PCDHA8: variants seen among roughly 807,000 people sequenced by gnomAD.
PCDHA8 encodes protocadherin alpha 8.
In PCDHA8, 53 loss-of-function variants were observed where a neutral mutation model predicts 61.8. That is an observed-to-expected ratio of 0.86 (90% CI 0.69 to 1.08). The LOEUF is 1.08. PCDHA8 is among the 50% of genes least tolerant of loss of function. The pLI is 0.00. For missense variants in PCDHA8, 1,293 were observed against 1,245.0 expected (o/e 1.04, Z -0.58); for synonymous variants, 618 against 556.6 (o/e 1.11, Z -1.55).
At chr5:140,971,586 C>G (rs1290834481) in intron 1 of PCDHA8, among the ~76,000 whole-genome samples, 1 of 152,022 alleles carries the variant, frequency 6.6e-6, no homozygotes, top group Non-Finnish European at 1.5e-5. Context: ...TTTTTCCTAC[C>G]TAGTTACTAC....
At chr5:140,867,932 T>C (rs2050205695) in intron 1 of PCDHA8, 1 of 152,146 alleles carries the variant, frequency 6.6e-6, no homozygotes, top group Non-Finnish European at 1.5e-5. Context: ...TTCCCTTGTT[T>C]TCCATGAACT....
chr5:140,926,936 G>A, intron 1 of PCDHA8: 1 of 1,580,648 alleles, frequency 6.3e-7, no homozygotes, highest in Non-Finnish European at 8.6e-7. Context: ...TGGGTTTCCT[G>A]CGGCGCTGCA....
chr5:140,952,767 A>T (rs912245909), intron 1 of PCDHA8, among the ~76,000 whole-genome samples: 13 of 152,298 alleles, frequency 8.5e-5, no homozygotes, highest in African/African-American at 2.9e-4. Flanking sequence ...GAGACTGGAT[A>T]ATTTAGAAAG....
At position 140,889,293 on chromosome 5, in the gene PCDHA8, T is replaced by C. The variant is rs1051889855; in HGVS notation, c.2394+45578T>C. 3.3e-5 allele frequency among the ~76,000 whole-genome samples: 5 copies of C among 152,196 alleles called. No individual in the cohort carries two copies. The South Asian group carries it at 6.2e-4, about 19-fold the overall frequency. The stretch of plus-strand genomic sequence containing the variant: ...ATCTTTGAATTACTTCTTATTTGAT[T>C]GGAGAACTCACTGTTGAAGTTATCT... On this transcript the variant is annotated intron_variant, in intron 1 of 3. Transcript: ENST00000531613.
chr5:140,882,126 T>C, intron 1 of PCDHA8: 1 of 1,466,718 alleles, frequency 6.8e-7, no homozygotes, highest in East Asian at 2.3e-5. Flanking sequence ...GTTTCTTTCT[T>C]CCTGCAGAAA....
intron 1 of PCDHA8, among the ~76,000 whole-genome samples, chr5:140,978,099 C>T (rs547323907): frequency 1.1e-4 from 17 of 152,292 alleles, no homozygotes; most frequent in African/African-American, 3.6e-4. Flanking sequence ...ACATAACTCC[C>T]CCAACAGTCT....
In PCDHA8 at chr5:140,857,261, T is replaced by C. The variant is rs145652579; in HGVS notation, c.2394+13546T>C. The C allele has an allele frequency of 4.9e-5, 79 of 1,598,562 alleles. 6 individuals carry two copies. The African/African-American group carries it at 9.1e-4, about 18-fold the overall frequency. On this transcript the variant is annotated intron_variant, in intron 1 of 3. Coordinates refer to ENST00000531613, the MANE Select transcript of PCDHA8 (RefSeq NM_018911.3). ...GGTGTCCACCTACAAGAATTACTACTCATTGGTGCTGGACAGCGCTCTGGA... is the reference window on the plus strand; with the variant it reads ...GGTGTCCACCTACAAGAATTACTACCCATTGGTGCTGGACAGCGCTCTGGA...
intron 1 of PCDHA8, among the ~76,000 whole-genome samples, chr5:140,964,473 T>C (rs1457345251): frequency 6.6e-6 from 1 of 152,068 alleles, no homozygotes; most frequent in Non-Finnish European, 1.5e-5. Flanking sequence ...TGCCTATGAT[T>C]TTTTCACAGT....
chr5:140,856,672 G>A (rs1356609367), intron 1 of PCDHA8: 2 of 1,597,818 alleles, frequency 1.3e-6, no homozygotes, highest in East Asian at 4.5e-5. Flanking sequence ...CTCAGCTAAA[G>A]TTGTTGTTGA....
At chr5:140,910,794 T>A (rs1431401808) in intron 1 of PCDHA8, among the ~76,000 whole-genome samples, 5 of 152,166 alleles carry the variant, frequency 3.3e-5, no homozygotes, top group Non-Finnish European at 7.3e-5. Flanking sequence ...AAATGCAGAA[T>A]CCCTGCTTAG....
intron 1 of PCDHA8, among the ~76,000 whole-genome samples, chr5:140,949,947 A>G (rs1554219242): frequency 6.6e-6 from 1 of 151,676 alleles, no homozygotes; most frequent in African/African-American, 2.4e-5. Flanking sequence ...TGCATTTTTT[A>G]GTGGTTGCTG....
chr5:140,876,258 C>G lies in PCDHA8; in HGVS notation c.2394+32543C>G, dbSNP rs782047443. ...ATGTCCAAAACGACACAAGAGTGAT[C>G]CAACTAAATGCTTCCGATCCAGACG... On this transcript the variant is annotated intron_variant, in intron 1 of 3. Coordinates refer to ENST00000531613, the MANE Select transcript of PCDHA8 (RefSeq NM_018911.3). 4 of 1,613,968 alleles carry G rather than the reference C, an allele frequency of 2.5e-6. No homozygotes were observed. The East Asian group carries it at 8.9e-5, about 36-fold the overall frequency.
chr5:140,960,134 A>G (rs1480555997), intron 1 of PCDHA8, among the ~76,000 whole-genome samples: 10 of 152,232 alleles, frequency 6.6e-5, no homozygotes, highest in African/African-American at 2.2e-4. Context: ...TGAAATACTT[A>G]GATATTAATA....
intron 3 of PCDHA8, among the ~76,000 whole-genome samples, chr5:141,000,496 C>T (rs1257530549): frequency 7.4e-6 from 1 of 134,362 alleles, no homozygotes; most frequent in Non-Finnish European, 1.5e-5. Context: ...GGTAAGATCT[C>T]GGCTCACTGC....
intron 1 of PCDHA8, chr5:140,969,580 AT>A: frequency 2.2e-6 from 2 of 914,646 alleles, no homozygotes; most frequent in Non-Finnish European, 3.2e-6. Flanking sequence ...AGAAGTGAGG[AT>A]TAGTCTTAAT....
intron 1 of PCDHA8, among the ~76,000 whole-genome samples, chr5:140,917,324 C>CG (rs1299895515): frequency 0.012 from 918 of 74,422 alleles, 22 homozygotes; most frequent in East Asian, 0.019. Flanking sequence ...GTTCATGTGG[C>CG]GGGGGAGGGG....
At chr5:140,848,356 A>T in intron 1 of PCDHA8, 1 of 1,038,310 alleles carries the variant, frequency 9.6e-7, no homozygotes, top group Non-Finnish European at 1.4e-6. Flanking sequence ...CCCTTTTCCC[A>T]TGGGAAAGAG....
In PCDHA8 at chr5:140,856,803, A is replaced by C. The variant is rs782347816; in HGVS notation, c.2394+13088A>C. On this transcript the variant is annotated intron_variant, in intron 1 of 3. Coordinates refer to ENST00000531613, the MANE Select transcript of PCDHA8 (RefSeq NM_018911.3). ...CCGGTTTATGAAGTTAAGATGTATGAAAATCAAGTGAACCAAACATTAGTA... is the reference window on the plus strand; with the variant it reads ...CCGGTTTATGAAGTTAAGATGTATGCAAATCAAGTGAACCAAACATTAGTA... 9.4e-6 allele frequency: 15 copies of C among 1,595,568 alleles called. 2 individuals are homozygous for C. In the Admixed American group the frequency reaches 1.2e-4, roughly 13 times the overall value.
intron 1 of PCDHA8, chr5:140,857,572 G>C: frequency 6.3e-7 from 1 of 1,596,716 alleles, no homozygotes; most frequent in Non-Finnish European, 8.6e-7. Flanking sequence ...GCTACGTGTC[G>C]GTGCACGCGG....
Sources: allele counts gnomAD v4.1 joint callset (sites outside exome capture counted in the v4.1 genomes callset), GRCh38; gene constraint gnomAD v4.1.1; transcripts MANE v1.5; gene names NCBI Gene and HGNC (gene_info 2026-07-23, HGNC 2026-07-21).